PTPN9: variants seen among roughly 807,000 people sequenced by gnomAD.
PTPN9 encodes tyrosine-protein phosphatase non-receptor type 9.
In PTPN9, 26 loss-of-function variants were observed where a neutral mutation model predicts 69.8. The observed-to-expected ratio is 0.37, with a 90% CI of 0.27 to 0.52. PTPN9 has a LOEUF of 0.52. Ranked by LOEUF, PTPN9 falls within the 20% of genes least tolerant of loss-of-function variation. The pLI, the probability that PTPN9 is intolerant of heterozygous loss-of-function variation, is 0.91. For missense variants in PTPN9, 549 were observed against 740.3 expected, an observed-to-expected ratio of 0.74 and a Z score of 3.00; for synonymous variants, 274 against 272.5, an observed-to-expected ratio of 1.01 and a Z score of -0.05.
chr15:75,518,770 T>C (rs1256345757), intron 4 of PTPN9, among the ~76,000 whole-genome samples: 1 of 149,814 alleles, frequency 6.7e-6, no homozygotes, highest in African/African-American at 2.5e-5. Context: ...TGAATCGAGA[T>C]TGCACCACTG....
At chr15:75,548,754 C>T (rs1008916462) in intron 1 of PTPN9, among the ~76,000 whole-genome samples, 14 of 145,996 alleles carry the variant, frequency 9.6e-5, no homozygotes, top group Admixed American at 2.8e-4. Context: ...CCAGGGTTCA[C>T]GCCATTCTCC....
intron 1 of PTPN9, among the ~76,000 whole-genome samples, chr15:75,549,832 G>A (rs1470218185): frequency 2.0e-5 from 3 of 152,096 alleles, no homozygotes; most frequent in Non-Finnish European, 2.9e-5. Flanking sequence ...AAATTAGCCA[G>A]GTGTGGTAAA....
At chr15:75,505,050 C>T (rs1381719724) in intron 7 of PTPN9, among the ~76,000 whole-genome samples, 1 of 152,166 alleles carries the variant, frequency 6.6e-6, no homozygotes, top group Non-Finnish European at 1.5e-5. Flanking sequence ...ATTGAGAAAT[C>T]GGATGGTTGC....
intron 7 of PTPN9, among the ~76,000 whole-genome samples, chr15:75,501,291 A>C (rs1422120039): frequency 6.6e-6 from 1 of 152,194 alleles, no homozygotes; most frequent in African/African-American, 2.4e-5. Context: ...GGTGAATATC[A>C]GAGTCCAGTA....
rs569150700 is a variant in PTPN9 at position 75,483,930 on chromosome 15, T to C, written c.1063-4016A>G. On this transcript the variant is annotated intron_variant, in intron 8 of 12. Transcript: ENST00000618819. ...GCAATAATGTGTACCTGTGATCAAT[T>C]AAGCAGCTGACCAATCGTTACCTCC... Among the ~76,000 whole-genome samples the C allele has an allele frequency of 3.0e-4, 45 of 152,304 alleles. 2 individuals are homozygous for C. The South Asian group carries it at 8.9e-3, about 30-fold the overall frequency.
At chr15:75,495,794 A>G (rs992272175) in intron 7 of PTPN9, among the ~76,000 whole-genome samples, 7 of 152,142 alleles carry the variant, frequency 4.6e-5, no homozygotes, top group Non-Finnish European at 8.8e-5. Context: ...AAACTAAAGG[A>G]AATGAAAAAA....
At chr15:75,470,085 TG>T in intron 11 of PTPN9, 86 bp from the exon 12 acceptor site, 1 of 1,227,834 alleles carries the variant, frequency 8.1e-7, no homozygotes. Flanking sequence ...CTCAACACCC[TG>T]GTTATCCCTA....
chr15:75,530,696 AT>A (rs2074955921), intron 1 of PTPN9, among the ~76,000 whole-genome samples: 1 of 31,272 alleles, frequency 3.2e-5, no homozygotes, highest in African/African-American at 2.4e-4. Flanking sequence ...ATTATAATAT[AT>A]ATAATATATA....
intron 1 of PTPN9, among the ~76,000 whole-genome samples, chr15:75,541,459 T>A (rs1040223903): frequency 6.6e-6 from 1 of 151,610 alleles, no homozygotes; most frequent in African/African-American, 2.4e-5. Context: ...CAGGCTGGAG[T>A]GCAGTGGCAT....
chr15:75,498,138 C>T (rs914904838), intron 7 of PTPN9, among the ~76,000 whole-genome samples: 5 of 151,226 alleles, frequency 3.3e-5, no homozygotes, highest in Non-Finnish European at 5.9e-5. Context: ...GAGGTTGCAG[C>T]GAGCTGAGAT....
chr15:75,541,952 G>A (rs1474979575), intron 1 of PTPN9, among the ~76,000 whole-genome samples: 4 of 151,756 alleles, frequency 2.6e-5, no homozygotes, highest in Admixed American at 6.6e-5. Flanking sequence ...CAGAAGAATC[G>A]CCTGAACCTA....
At chr15:75,537,046 C>A (rs1391221352) in intron 1 of PTPN9, among the ~76,000 whole-genome samples, 1 of 152,078 alleles carries the variant, frequency 6.6e-6, no homozygotes, top group Non-Finnish European at 1.5e-5. Flanking sequence ...TTACAATTTT[C>A]TTTTAGAAAT....
chr15:75,524,136 A>AC (rs1491009509), intron 3 of PTPN9, 73 bp downstream of exon 3: 6 of 686,108 alleles, frequency 8.7e-6, no homozygotes, highest in Non-Finnish European at 1.3e-5. Context: ...AAAAAAAAAA[A>AC]CAAAGTCCAA....
chr15:75,512,488 C>A (rs913409892), intron 5 of PTPN9, among the ~76,000 whole-genome samples: 1 of 152,090 alleles, frequency 6.6e-6, no homozygotes, highest in Admixed American at 6.6e-5. Context: ...TCACTGGAGC[C>A]AGCTTAAGGT....
At chr15:75,573,490 T>C (rs2075158065) in intron 1 of PTPN9, among the ~76,000 whole-genome samples, 1 of 152,044 alleles carries the variant, frequency 6.6e-6, no homozygotes, top group South Asian at 2.1e-4. Context: ...AGACAGAAAA[T>C]GAGACTAAGT....
At chr15:75,556,113 G>A (rs1202862512) in intron 1 of PTPN9, among the ~76,000 whole-genome samples, 1 of 150,268 alleles carries the variant, frequency 6.7e-6, no homozygotes, top group Non-Finnish European at 1.5e-5. Flanking sequence ...CGCCCAGGCT[G>A]GAGTGCAGTG....
At chr15:75,504,320 C>T (rs1479718464) in intron 7 of PTPN9, among the ~76,000 whole-genome samples, 25 of 126,314 alleles carry the variant, frequency 2.0e-4, no homozygotes, top group African/African-American at 7.3e-4. Context: ...TCTGCCCAGC[C>T]GCCCCTACTG....
chr15:75,466,100 G>T lies in PTPN9; in HGVS notation c.*2669C>A, dbSNP rs1009278582. On this transcript the variant is annotated 3_prime_UTR_variant, in exon 13 of 13. Transcript: ENST00000618819. ...GATGGATCCTTAGAGGAAGTCTAGT[G>T]TAAGAGGTGAAAGAAGATACTTTGG... 5 of 152,256 alleles carry T rather than the reference G, an allele frequency of 3.3e-5. No homozygotes were observed. Among genetic ancestry groups the T allele is most frequent in the Admixed American group, 6.5e-5 (1 of 15,286 alleles). 9.4% of individuals were successfully genotyped at this position (152,256 alleles called of 1,614,324 possible). A position where few individuals can be genotyped will look rare whatever the true frequency, so the allele number is the denominator to read the frequency against.
At chr15:75,577,231 T>C (rs1176470462) in intron 1 of PTPN9, among the ~76,000 whole-genome samples, 1 of 152,216 alleles carries the variant, frequency 6.6e-6, no homozygotes, top group African/African-American at 2.4e-5. Flanking sequence ...TTGCAACGGA[T>C]GCTATTTGCA....
Sources: allele counts gnomAD v4.1 joint callset (sites outside exome capture counted in the v4.1 genomes callset), GRCh38; gene constraint gnomAD v4.1.1; transcripts MANE v1.5; gene names NCBI Gene and HGNC (gene_info 2026-07-23, HGNC 2026-07-21).